SYNPR: variants seen among roughly 807,000 people sequenced by gnomAD.
SYNPR encodes the protein synaptoporin.
A neutral mutation model predicts 32.9 loss-of-function variants in SYNPR; 23 were observed. The observed-to-expected ratio is 0.70, with a 90% confidence interval of 0.50 to 0.99. The LOEUF (loss-of-function observed/expected upper bound fraction) is 0.99. Among genes scored for constraint, SYNPR ranks in the 50% least tolerant of loss-of-function variants. SYNPR has a pLI of 0.00. For synonymous variants in SYNPR, 146 were observed against 135.9 expected (o/e 1.07, Z -0.52); for missense variants, 318 against 349.3 (o/e 0.91, Z 0.71).
intron 2 of SYNPR, among the ~76,000 whole-genome samples, chr3:63,354,937 TG>T (rs1224878302): frequency 6.6e-6 from 1 of 152,132 alleles, no homozygotes; most frequent in East Asian, 1.9e-4. Flanking sequence ...CTTTGCCTTT[TG>T]CAAATAAAGA....
chr3:63,610,537 C>A (rs1700183752), intron 5 of SYNPR: 1 of 697,518 alleles, frequency 1.4e-6, no homozygotes, highest in Non-Finnish European at 2.6e-6. Context: ...TCTGACTGGA[C>A]TGTGATTTCT....
chr3:63,342,163 G>A (rs2087378460), intron 2 of SYNPR, among the ~76,000 whole-genome samples: 1 of 152,162 alleles, frequency 6.6e-6, no homozygotes, highest in Admixed American at 6.5e-5. Context: ...CAAAGATCAA[G>A]GCTAAACTGA....
chr3:63,611,587 A>C (rs554171348), intron 5 of SYNPR, among the ~76,000 whole-genome samples: 135 of 152,344 alleles, frequency 8.9e-4, no homozygotes, highest in Non-Finnish European at 1.6e-3. Context: ...GAAGCTGGAC[A>C]GTTCTCATCC....
At chr3:63,304,071 TTTCTTA>T (rs2086883534) in intron 2 of SYNPR, among the ~76,000 whole-genome samples, 1 of 152,044 alleles carries the variant, frequency 6.6e-6, no homozygotes, top group African/African-American at 2.4e-5. Context: ...CTTTGCTCCT[TTTCTTA>T]TTCTAGGACT....
At chr3:63,415,681 A>G (rs1042152443) in intron 2 of SYNPR, among the ~76,000 whole-genome samples, 3 of 152,256 alleles carry the variant, frequency 2.0e-5, no homozygotes, top group Non-Finnish European at 4.4e-5. Context: ...CCCACAGGCC[A>G]TAGTTCTCCA....
upstream of SYNPR, among the ~76,000 whole-genome samples, chr3:63,223,884 C>CT (rs991850336): frequency 4.6e-5 from 7 of 152,082 alleles, no homozygotes; most frequent in African/African-American, 1.7e-4. Context: ...TGTCTGAATT[C>CT]TTTTTTTCCC....
chr3:63,511,126 G>T (rs1375466415), intron 3 of SYNPR, among the ~76,000 whole-genome samples: 1 of 144,442 alleles, frequency 6.9e-6, no homozygotes, highest in Non-Finnish European at 1.5e-5. Flanking sequence ...TGCTTTTTGG[G>T]TATTGGGAAT....
intron 2 of SYNPR, among the ~76,000 whole-genome samples, chr3:63,433,475 G>T (rs1400427664): frequency 6.6e-6 from 1 of 152,140 alleles, no homozygotes; most frequent in Non-Finnish European, 1.5e-5. Context: ...TGGCATTTTG[G>T]ACTGTTCTAA....
chr3:63,552,412 C>T (rs868600258), intron 3 of SYNPR, among the ~76,000 whole-genome samples: 6 of 152,116 alleles, frequency 3.9e-5, no homozygotes, highest in South Asian at 2.1e-4. Flanking sequence ...AGGAAAGGGG[C>T]TCTATGATAT....
In SYNPR at chr3:63,607,531, G is replaced by A. The variant is rs1700141711; in HGVS notation, c.409-1594G>A. The stretch of plus-strand genomic sequence containing the variant: ...GCTCATAAGGACATTTAAAAACCAA[G>A]GTGTAATTGAATGAAAATGAAAAGT... On this transcript the variant is annotated intron_variant, in intron 4 of 5. Transcript: ENST00000478300. Among the ~76,000 whole-genome samples, 3 of 152,118 alleles carry A rather than the reference G, an allele frequency of 2.0e-5. No individual in the cohort carries two copies. In the South Asian group the frequency reaches 6.2e-4, roughly 32 times the overall value.
At chr3:63,226,638 G>C (rs2106869829), upstream of SYNPR, among the ~76,000 whole-genome samples, 1 of 152,202 alleles carries the variant, frequency 6.6e-6, no homozygotes, top group East Asian at 1.9e-4. Flanking sequence ...CTCATATGTG[G>C]GAGATAAAAA....
intron 3 of SYNPR, chr3:63,545,404 G>A (rs961799545): frequency 7.2e-5 from 11 of 152,168 alleles, no homozygotes; most frequent in African/African-American, 2.6e-4. Context: ...AATTCAAAAT[G>A]TCCACTAGCG....
At chr3:63,518,256 C>T (rs1701836395) in intron 3 of SYNPR, among the ~76,000 whole-genome samples, 1 of 152,090 alleles carries the variant, frequency 6.6e-6, no homozygotes, top group Non-Finnish European at 1.5e-5. Context: ...ATGCCTTCAC[C>T]CTTTGTTTAA....
intron 2 of SYNPR, among the ~76,000 whole-genome samples, chr3:63,258,111 C>T (rs1359204215): frequency 2.6e-5 from 4 of 152,078 alleles, no homozygotes; most frequent in Non-Finnish European, 4.4e-5. Context: ...GACTCCCACA[C>T]AATAATAATG....
chr3:63,302,436 G>A (rs2086866926), intron 2 of SYNPR, among the ~76,000 whole-genome samples: 1 of 151,990 alleles, frequency 6.6e-6, no homozygotes, highest in Non-Finnish European at 1.5e-5. Context: ...CCTGAGTTTG[G>A]AAATACCATT....
chr3:63,592,869 A>G (rs1699862843), intron 4 of SYNPR, among the ~76,000 whole-genome samples: 1 of 152,092 alleles, frequency 6.6e-6, no homozygotes, highest in Non-Finnish European at 1.5e-5. Context: ...TGGGCTAAGC[A>G]TTTTATTGCA....
chr3:63,359,634 G>A (rs1343303049), intron 2 of SYNPR, among the ~76,000 whole-genome samples: 2 of 152,082 alleles, frequency 1.3e-5, no homozygotes, highest in Non-Finnish European at 2.9e-5. Flanking sequence ...CCAGACTTTT[G>A]GAGCTTTCTT....
intron 3 of SYNPR, among the ~76,000 whole-genome samples, chr3:63,554,335 A>T (rs1009399118): frequency 8.5e-5 from 13 of 152,084 alleles, no homozygotes; most frequent in Non-Finnish European, 1.3e-4. Context: ...TTCTTCCAGG[A>T]GTTTGAGGTC....
At chr3:63,318,939 C>T (rs1000341234) in intron 2 of SYNPR, among the ~76,000 whole-genome samples, 2 of 151,962 alleles carry the variant, frequency 1.3e-5, no homozygotes, top group African/African-American at 4.8e-5. Flanking sequence ...ATTCTTTTGT[C>T]CTACAGGGTG....
Sources: gnomAD v4.1 joint callset for allele counts (sites outside exome capture counted in the v4.1 genomes callset) on GRCh38, gnomAD v4.1.1 for gene constraint, MANE v1.5 for transcripts, NCBI Gene and HGNC (gene_info 2026-07-23, HGNC 2026-07-21) for gene names.